MTHFD2L: variants seen among roughly 807,000 people sequenced by gnomAD.
The protein encoded by MTHFD2L is bifunctional methylenetetrahydrofolate dehydrogenase/cyclohydrolase 2, mitochondrial.
A neutral mutation model predicts 34.9 loss-of-function variants in MTHFD2L; 29 were observed. The ratio of observed to expected loss-of-function variants is 0.83; its 90% confidence interval spans 0.62 to 1.13. The LOEUF is 1.13. Ranked by LOEUF, MTHFD2L falls within the 50% of genes most tolerant of loss-of-function variation. The pLI is 0.00. For synonymous variants in MTHFD2L, 167 were observed against 155.7 expected, an observed-to-expected ratio of 1.07 and a Z score of -0.54; for missense variants, 481 against 446.5, an observed-to-expected ratio of 1.08 and a Z score of -0.70.
chr4:74,163,833 T>C (rs1725998712), intron 1 of MTHFD2L, among the ~76,000 whole-genome samples: 2 of 152,114 alleles, frequency 1.3e-5, no homozygotes, highest in African/African-American at 4.8e-5. Flanking sequence ...GAGCTTGGAA[T>C]TGTTAATCAT....
upstream of MTHFD2L, chr4:74,157,912 C>A (rs1429458088): frequency 1.0e-4 from 73 of 717,508 alleles, no homozygotes; most frequent in Non-Finnish European, 2.5e-6. Flanking sequence ...TCAGAGGGCC[C>A]GGGACTTGGG....
chr4:74,281,402 C>A (rs1191704855), intron 6 of MTHFD2L, 23 bp from the exon 7 acceptor site: 9 of 1,605,408 alleles, frequency 5.6e-6, no homozygotes, highest in Non-Finnish European at 7.7e-6. Context: ...TGCTGAAGGA[C>A]AAACAACTCT....
At chr4:74,232,173 G>C (rs1740166442) in intron 6 of MTHFD2L, among the ~76,000 whole-genome samples, 2 of 152,126 alleles carry the variant, frequency 1.3e-5, no homozygotes, top group African/African-American at 2.4e-5. Context: ...GTTCTTATAA[G>C]CATAAATAAA....
intron 1 of MTHFD2L, among the ~76,000 whole-genome samples, chr4:74,132,640 T>A (rs913860516): frequency 1.3e-5 from 2 of 152,088 alleles, no homozygotes; most frequent in African/African-American, 4.8e-5. Flanking sequence ...CTAATGTAGA[T>A]GACGGGTTGA....
chr4:74,284,945 G>C (rs1211187275), intron 7 of MTHFD2L, among the ~76,000 whole-genome samples: 2 of 152,052 alleles, frequency 1.3e-5, no homozygotes, highest in Non-Finnish European at 2.9e-5. Context: ...CAACCCAAAT[G>C]TCCATCAATG....
rs541057104 is a variant in MTHFD2L, at chr4:74,261,364, A to T, written c.806-20061A>T. Among the ~76,000 whole-genome samples the T allele has an allele frequency of 4.0e-4, 60 of 150,432 alleles. 2 individuals carry two copies. Among genetic ancestry groups the T allele is most frequent in the African/African-American group, 1.4e-3 (58 of 40,068 alleles). On this transcript the variant is annotated intron_variant, in intron 6 of 7. Transcript: ENST00000325278. ...ATATAATTAGAAAATGTAATAGAAA[A>T]TATATTCCACTCACAGTAGTAATAA...
rs573653468 is a variant in MTHFD2L at position 74,171,631 on chromosome 4, C to T, written c.144-2875C>T. ...CAGCCTGGCCAACATAGCGAAACCC[C>T]GTCTCTACTAAATATACAAAAATTA... On this transcript the variant is annotated intron_variant, in intron 1 of 7. Transcript: ENST00000325278. Among the ~76,000 whole-genome samples, 7 of 152,080 alleles carry T rather than the reference C, an allele frequency of 4.6e-5. No individual in the cohort carries two copies. The South Asian group carries it at 1.2e-3, about 27-fold the overall frequency.
chr4:74,204,052 A>C (rs984215719), intron 5 of MTHFD2L, among the ~76,000 whole-genome samples: 1 of 152,154 alleles, frequency 6.6e-6, no homozygotes, highest in Non-Finnish European at 1.5e-5. Flanking sequence ...TTTACAGCTA[A>C]AGGAAATGAG....
chr4:74,158,716 A>T (rs1724731773), intron 1 of MTHFD2L, among the ~76,000 whole-genome samples: 1 of 152,200 alleles, frequency 6.6e-6, no homozygotes, highest in African/African-American at 2.4e-5. Context: ...AGTGTTGTCT[A>T]AGTCTTTTCC....
intron 6 of MTHFD2L, among the ~76,000 whole-genome samples, chr4:74,228,920 T>C (rs2110132774): frequency 1.3e-5 from 2 of 152,278 alleles, no homozygotes; most frequent in Middle Eastern, 3.4e-3. Context: ...GAGCAGCTAC[T>C]TCAGATGTAG....
intron 6 of MTHFD2L, among the ~76,000 whole-genome samples, chr4:74,241,066 A>G (rs1176218067): frequency 2.0e-5 from 3 of 152,174 alleles, no homozygotes; most frequent in African/African-American, 7.2e-5. Context: ...ATTTCCATAT[A>G]TGTAGTATAA....
At position 74,149,402 on chromosome 4, in the gene MTHFD2L, C is replaced by A. The variant is rs552143263; in HGVS notation, c.-296-10653C>A. ...AATGCCCCTATTTAATAATATTTAG[C>A]AGAAAAAAATGAATGAATTATAGCT... is the stretch of plus-strand genomic sequence containing the variant. On this transcript the variant is annotated intron_variant, in intron 1 of 7. Coordinates refer to the MTHFD2L transcript ENST00000433372. 2.0e-5 allele frequency among the ~76,000 whole-genome samples: 3 copies of A among 151,586 alleles called. 1 individual carries two copies. In the South Asian group the frequency reaches 6.3e-4, roughly 32 times the overall value.
intron 6 of MTHFD2L, among the ~76,000 whole-genome samples, chr4:74,243,770 C>T (rs369065348): frequency 4.4e-4 from 67 of 152,228 alleles, no homozygotes; most frequent in African/African-American, 1.5e-3. Flanking sequence ...AACAGAGCCA[C>T]GCATTAAATC....
At chr4:74,147,725 G>A (rs758378737) in intron 1 of MTHFD2L, among the ~76,000 whole-genome samples, 1 of 152,080 alleles carries the variant, frequency 6.6e-6, no homozygotes, top group East Asian at 1.9e-4. Flanking sequence ...CCATCCTAAC[G>A]GACATGAGGT....
At chr4:74,256,750 A>G (rs1272756645) in intron 6 of MTHFD2L, among the ~76,000 whole-genome samples, 1 of 152,158 alleles carries the variant, frequency 6.6e-6, no homozygotes, top group African/African-American at 2.4e-5. Context: ...CTATAATCAA[A>G]TAGTTATATA....
intron 1 of MTHFD2L, among the ~76,000 whole-genome samples, chr4:74,128,548 G>T (rs1316464228): frequency 6.6e-6 from 1 of 151,786 alleles, no homozygotes; most frequent in African/African-American, 2.4e-5. Context: ...TTGATATCTG[G>T]GTTCTCTATT....
At chr4:74,281,155 C>G (rs1396199880) in intron 6 of MTHFD2L, among the ~76,000 whole-genome samples, 4 of 152,062 alleles carry the variant, frequency 2.6e-5, no homozygotes, top group Non-Finnish European at 5.9e-5. Context: ...GGATGCTGCT[C>G]AAGCAGGTAT....
In MTHFD2L at chr4:74,130,584, T is replaced by C. The variant is rs1722416183; in HGVS notation, c.-297+5067T>C. On this transcript the variant is annotated intron_variant, in intron 1 of 7. Transcript: ENST00000433372. ...ATACACTAGGTCTTGATGGAACAAA[T>C]TTAAAAACAATAAGAGCTATTTATG... is the stretch of plus-strand genomic sequence containing the variant. 2.6e-5 allele frequency among the ~76,000 whole-genome samples: 4 copies of C among 152,232 alleles called. No homozygotes were observed. In the South Asian group the frequency reaches 8.3e-4, roughly 32 times the overall value.
At chr4:74,151,598 AAAG>A (rs1222880675) in intron 1 of MTHFD2L, among the ~76,000 whole-genome samples, 3 of 152,202 alleles carry the variant, frequency 2.0e-5, no homozygotes, top group African/African-American at 7.2e-5. Context: ...GTAAGGGTTA[AAAG>A]AATAACTTCT....
Sources: allele counts gnomAD v4.1 joint callset (sites outside exome capture counted in the v4.1 genomes callset), GRCh38; gene constraint gnomAD v4.1.1; transcripts MANE v1.5; gene names NCBI Gene and HGNC (gene_info 2026-07-23, HGNC 2026-07-21).